ZFHX3: variants seen among roughly 807,000 people sequenced by gnomAD.
The protein encoded by ZFHX3 is zinc finger homeobox 3, also known as zinc finger homeobox protein 3.
A neutral mutation model predicts 279.1 loss-of-function variants in ZFHX3; 42 were observed. That is an observed-to-expected ratio of 0.15 (90% CI 0.12 to 0.19). The LOEUF (loss-of-function observed/expected upper bound fraction) is 0.19. Among genes scored for constraint, ZFHX3 ranks in the 10% least tolerant of loss-of-function variants. ZFHX3 has a pLI of 1.00. For synonymous variants in ZFHX3, 2,293 were observed against 1,957.8 expected (o/e 1.17, Z -4.52); for missense variants, 4,981 against 4,754.0 (o/e 1.05, Z -1.40).
chr16:72,787,457 A>AGGGGGG lies in ZFHX3; in HGVS notation c.10818_10819insCCCCCC (p.Ser3606_Ser3607insProPro). Reference sequence around the variant, plus strand: ...TTCCTGGAGGCGTGGGGGGAAGCGGAGGAGGGGGCGGCGGCCGACGGGGGA... The same window carrying AGGGGGG: ...TTCCTGGAGGCGTGGGGGGAAGCGGAGGGGGGGGAGGGGGCGGCGGCCGACGGGGGA... On this transcript the variant is annotated inframe_insertion, in exon 10 of 10. Coordinates refer to ENST00000268489, the MANE Select transcript of ZFHX3 (RefSeq NM_006885.4). The AGGGGGG allele has an allele frequency of 8.7e-7, 1 of 1,145,780 alleles. No homozygotes were observed. Among genetic ancestry groups the AGGGGGG allele is most frequent in the Non-Finnish European group, 1.1e-6 (1 of 911,118 alleles). 71.0% of individuals were successfully genotyped at this position (1,145,780 alleles called of 1,614,324 possible).
chr16:73,402,308 G>A (rs766468310), intron 3 of ZFHX3: 4 of 152,270 alleles, frequency 2.6e-5, no homozygotes, highest in African/African-American at 9.6e-5. Flanking sequence ...AAACTTGAAC[G>A]TCTTCATTGA....
intron 1 of ZFHX3, among the ~76,000 whole-genome samples, chr16:73,845,829 T>A (rs1961436234): frequency 6.6e-6 from 1 of 152,210 alleles, no homozygotes. Context: ...TCTCTTTTTT[T>A]TTAGAGACAG....
intron 3 of ZFHX3, among the ~76,000 whole-genome samples, chr16:73,336,422 G>A (rs1233293557): frequency 1.5e-5 from 2 of 129,086 alleles, no homozygotes; most frequent in Non-Finnish European, 3.1e-5. Flanking sequence ...TGTGTCTATT[G>A]TTCCCTTCTT....
At chr16:73,691,443 TGGGACCA>T (rs2053148807) in intron 1 of ZFHX3, among the ~76,000 whole-genome samples, 1 of 152,242 alleles carries the variant, frequency 6.6e-6, no homozygotes, top group Non-Finnish European at 1.5e-5. Flanking sequence ...GAACAGAAGG[TGGGACCA>T]TCGGCTTTAT....
chr16:73,516,659 T>G lies in ZFHX3; in HGVS notation c.-1546-60401A>C, dbSNP rs149662687. Among the ~76,000 whole-genome samples, 632 of 152,278 alleles carry G rather than the reference T, an allele frequency of 4.2e-3. 8 individuals carry two copies. Among genetic ancestry groups the G allele is most frequent in the African/African-American group, 0.015 (605 of 41,550 alleles). ...ATATACCCCAAACCAAAATCATCCC[T>G]TTCTCCTCTAATCAATTTCTTCTTC... On this transcript the variant is annotated intron_variant, in intron 2 of 17. Coordinates refer to the ZFHX3 transcript ENST00000641206.
At chr16:73,410,377 T>C (rs937768527) in intron 3 of ZFHX3, among the ~76,000 whole-genome samples, 48 of 152,184 alleles carry the variant, frequency 3.2e-4, no homozygotes, top group African/African-American at 1.1e-3. Flanking sequence ...GATCGCACCA[T>C]TGCACTCCAG....
chr16:73,577,652 C>G (rs2077406950), intron 2 of ZFHX3, among the ~76,000 whole-genome samples: 1 of 152,146 alleles, frequency 6.6e-6, no homozygotes, highest in African/African-American at 2.4e-5. Context: ...TCTCTTTCCT[C>G]AAGATCAGGG....
chr16:73,582,272 C>T (rs1424338581), intron 2 of ZFHX3, among the ~76,000 whole-genome samples: 1 of 151,700 alleles, frequency 6.6e-6, no homozygotes, highest in Non-Finnish European at 1.5e-5. Context: ...AGTGGGAACC[C>T]TTATGAATAT....
chr16:73,503,364 G>T (rs941061447), intron 2 of ZFHX3, among the ~76,000 whole-genome samples: 2 of 152,192 alleles, frequency 1.3e-5, no homozygotes, highest in African/African-American at 4.8e-5. Context: ...ACAACTAGGG[G>T]CTTCCTTTTG....
At chr16:73,517,042 G>A (rs1454632381) in intron 2 of ZFHX3, among the ~76,000 whole-genome samples, 1 of 150,978 alleles carries the variant, frequency 6.6e-6, no homozygotes, top group African/African-American at 2.4e-5. Context: ...CTGCCTGCTA[G>A]CACCCTCGTT....
chr16:73,296,094 G>C (rs1597268701), intron 4 of ZFHX3, among the ~76,000 whole-genome samples: 1 of 152,078 alleles, frequency 6.6e-6, no homozygotes, highest in Non-Finnish European at 1.5e-5. Flanking sequence ...GTGTGTGTGT[G>C]TGTGTGTGTC....
chr16:72,829,912 A>AC, intron 4 of ZFHX3, 53 bp from the exon 5 acceptor site: 3 of 1,602,278 alleles, frequency 1.9e-6, no homozygotes. Flanking sequence ...AAGATGAAGG[A>AC]CTTTTGGCCT....
In ZFHX3 at chr16:72,958,671, T is replaced by C. The variant is rs1366617220; in HGVS notation, c.1475A>G (p.Lys492Arg). 3 of 1,613,942 alleles carry C rather than the reference T, an allele frequency of 1.9e-6. No homozygotes were observed. The highest frequency in any genetic ancestry group is 1.1e-5 in the South Asian group (1 of 91,062). The change falls in exon 2 of 10, where the codon AAA (lysine) becomes AGA (arginine). Residue 492 changes from lysine to arginine, a missense_variant. Lys to Arg is a conservative substitution (Grantham distance 26). Transcript: ENST00000268489. ...ATCCAACTCGCTTGGAAAGAGTCCT[T>C]TGCAACCCTCGTCTTCCTCCTCCTC... ...EEEEEEDEGC[K>R]GLFPSELDEE... is the part of the protein sequence containing the mutation.
At chr16:73,182,912 T>G (rs983625899) in intron 5 of ZFHX3, among the ~76,000 whole-genome samples, 3 of 149,282 alleles carry the variant, frequency 2.0e-5, no homozygotes, top group African/African-American at 4.9e-5. Context: ...GGGTGAAAAA[T>G]TACCTCTTGG....
intron 1 of ZFHX3, among the ~76,000 whole-genome samples, chr16:73,806,733 A>C (rs538708135): frequency 6.6e-6 from 1 of 152,260 alleles, no homozygotes; most frequent in African/African-American, 2.4e-5. Flanking sequence ...AACAGCCTTT[A>C]TGCAAAATGT....
At position 72,950,583 on chromosome 16, in the gene ZFHX3, G is replaced by C. The variant is rs150708280; in HGVS notation, c.3102C>G (p.Ile1034Met). The change falls in exon 3 of 10, where the codon ATC becomes ATG. Residue 1034 changes from isoleucine to methionine, a missense_variant. Ile to Met is a conservative substitution (Grantham distance 10). Coordinates refer to ENST00000268489, the MANE Select transcript of ZFHX3 (RefSeq NM_006885.4). Reference protein sequence around the residue: ...ANEWRLKCVAIGNPVHLKCNA... With the variant: ...ANEWRLKCVAMGNPVHLKCNA... ...TGCACTTGAGGTGCACGGGGTTGCC[G>C]ATGGCCACACACTTGAGCCTCCACT... 2.5e-6 allele frequency: 4 copies of C among 1,614,188 alleles called. No individual in the cohort carries two copies. Among genetic ancestry groups the C allele is most frequent in the South Asian group, 2.2e-5 (2 of 91,088 alleles).
intron 3 of ZFHX3, among the ~76,000 whole-genome samples, chr16:72,912,570 G>A (rs1272656548): frequency 1.3e-5 from 2 of 152,154 alleles, no homozygotes; most frequent in Admixed American, 1.3e-4. Context: ...TTAAGACTTT[G>A]AATAAAACTG....
At position 72,794,747 on chromosome 16, in the gene ZFHX3, T is replaced by C; in HGVS notation, c.7935A>G (p.Arg2645=). Residue 2645 remains arginine, a synonymous_variant, in exon 9 of 10, where the codon AGA becomes AGG. Transcript: ENST00000268489. The surrounding 1 kb of genome is among the most constrained non-coding windows in gnomAD (Gnocchi z 4.2). ...CTAGTTGTTCCGGTGTGATGGTTGT[T>C]CTCAAACGCTTGTCTCTCTGAGGCT... The part of the protein sequence containing the change: ...GEEPQRDKRL[R]TTITPEQLEI... 8 of 1,614,224 alleles carry C rather than the reference T, an allele frequency of 5.0e-6. No individual in the cohort carries two copies. The highest frequency in any genetic ancestry group is 6.8e-6 in the Non-Finnish European group (8 of 1,180,044).
At chr16:73,848,636 T>A (rs1392002051) in intron 1 of ZFHX3, among the ~76,000 whole-genome samples, 1 of 152,226 alleles carries the variant, frequency 6.6e-6, no homozygotes, top group African/African-American at 2.4e-5. Context: ...GGAATTTTTT[T>A]AAATCACAGG....
Sources: gnomAD v4.1 joint callset for allele counts (sites outside exome capture counted in the v4.1 genomes callset) on GRCh38, gnomAD v4.1.1 for gene constraint, Gnocchi (gnomAD v3.1) non-coding constraint, MANE v1.5 for transcripts, NCBI Gene and HGNC (gene_info 2026-07-23, HGNC 2026-07-21) for gene names.